TMTC2: variants seen among roughly 807,000 people sequenced by gnomAD.
The protein encoded by TMTC2 is transmembrane O-mannosyltransferase targeting cadherins 2, also known as protein O-mannosyl-transferase TMTC2.
A neutral mutation model predicts 82.4 loss-of-function variants in TMTC2; 43 were observed. The observed-to-expected ratio is 0.52, with a 90% CI of 0.41 to 0.67. TMTC2 has a LOEUF of 0.67. Ranked by LOEUF, TMTC2 falls within the 30% of genes least tolerant of loss-of-function variation. The pLI is 0.00. For synonymous variants in TMTC2, 408 were observed against 381.9 expected (o/e 1.07, Z -0.80); for missense variants, 919 against 1,012.4 (o/e 0.91, Z 1.25).
At chr12:82,816,581 A>T (rs1868744951) in intron 1 of TMTC2, among the ~76,000 whole-genome samples, 1 of 152,074 alleles carries the variant, frequency 6.6e-6, no homozygotes, top group Non-Finnish European at 1.5e-5. Flanking sequence ...GCTATATCAG[A>T]CTTCTATTAT....
At chr12:82,901,293 T>C (rs1261063093) in intron 3 of TMTC2, among the ~76,000 whole-genome samples, 1 of 125,518 alleles carries the variant, frequency 8.0e-6, no homozygotes, top group Non-Finnish European at 1.6e-5. Context: ...AATATATATA[T>C]ATATATATTT....
intron 11 of TMTC2, among the ~76,000 whole-genome samples, chr12:83,104,792 G>A (rs1172783212): frequency 6.6e-6 from 1 of 152,178 alleles, no homozygotes; most frequent in Admixed American, 6.5e-5. Context: ...TCCACAGTCT[G>A]CTTGAATTTC....
chr12:82,997,414 A>ATATATATATG (rs1201899656), intron 8 of TMTC2, among the ~76,000 whole-genome samples: 6 of 29,948 alleles, frequency 2.0e-4, no homozygotes, highest in African/African-American at 4.7e-4. Flanking sequence ...ATATATGTGT[A>ATATATATATG]TATATATATA....
At chr12:83,048,888 C>T (rs555294351) in intron 9 of TMTC2, among the ~76,000 whole-genome samples, 90 of 152,272 alleles carry the variant, frequency 5.9e-4, no homozygotes, top group Non-Finnish European at 9.1e-4. Context: ...AGGCTGGTCT[C>T]GAACTCCAGA....
chr12:83,001,214 A>C (rs1879906198), intron 8 of TMTC2, among the ~76,000 whole-genome samples: 1 of 152,200 alleles, frequency 6.6e-6, no homozygotes, highest in African/African-American at 2.4e-5. Flanking sequence ...CTCAGAAAAT[A>C]GGATTTTCTT....
intron 4 of TMTC2, among the ~76,000 whole-genome samples, chr12:82,954,050 T>C (rs1877485440): frequency 6.6e-6 from 1 of 152,182 alleles, no homozygotes; most frequent in Admixed American, 6.5e-5. Context: ...CCAGACTATT[T>C]ATTACTGAAA....
chr12:82,914,609 C>T (rs900644784), intron 3 of TMTC2, among the ~76,000 whole-genome samples: 1 of 151,842 alleles, frequency 6.6e-6, no homozygotes, highest in African/African-American at 2.4e-5. Flanking sequence ...GTTGGCAATG[C>T]GATTCTCAGT....
At chr12:82,841,599 C>T (rs1870339220) in intron 1 of TMTC2, among the ~76,000 whole-genome samples, 1 of 152,172 alleles carries the variant, frequency 6.6e-6, no homozygotes, top group Admixed American at 6.5e-5. Context: ...GTAGGGATGT[C>T]TGTGTACCCT....
At chr12:83,123,628 A>G (rs1885020712) in intron 11 of TMTC2, among the ~76,000 whole-genome samples, 1 of 152,180 alleles carries the variant, frequency 6.6e-6, no homozygotes, top group African/African-American at 2.4e-5. Flanking sequence ...GGTTGGTGCC[A>G]GAAGGGTTAA....
chr12:82,997,344 G>GTGTATATATATATATA lies in TMTC2; in HGVS notation c.2070+11301_2070+11302insATATATATATATATGT, dbSNP rs1565844967. On this transcript the variant is annotated intron_variant, in intron 8 of 11. Transcript: ENST00000321196. ...TGTGTCTGTGTGTGTGTGTGTGTGT[G>GTGTATATATATATATA]TGTGTATATATATATATATATGTGT... 2.1e-3 allele frequency among the ~76,000 whole-genome samples: 45 copies of GTGTATATATATATATA among 21,036 alleles called. No individual in the cohort carries two copies. In the East Asian group the frequency reaches 0.035, roughly 16 times the overall value. 13.8% of individuals were successfully genotyped at this position (21,036 alleles called of 152,430 possible). A position where few individuals can be genotyped will look rare whatever the true frequency, so the allele number is the denominator to read the frequency against.
rs539833027 is a variant in TMTC2, at chr12:83,066,629, G to A, written c.2331+4798G>A. ...TTGGGAAAACTAAATAAAAGGTCAT[G>A]GTAATAGTATAGGCATAAGGTAGTG... On this transcript the variant is annotated intron_variant, in intron 11 of 11. Transcript: ENST00000321196. 6.3e-4 allele frequency among the ~76,000 whole-genome samples: 95 copies of A among 151,982 alleles called. 1 individual carries two copies. Among genetic ancestry groups the A allele is most frequent in the African/African-American group, 2.1e-3 (87 of 41,480 alleles).
At chr12:82,883,987 G>A (rs1174525279) in intron 2 of TMTC2, among the ~76,000 whole-genome samples, 3 of 152,092 alleles carry the variant, frequency 2.0e-5, no homozygotes, top group Admixed American at 6.5e-5. Flanking sequence ...TGACCATAGC[G>A]CACTGCCTGG....
intron 1 of TMTC2, among the ~76,000 whole-genome samples, chr12:82,829,669 T>A (rs898817507): frequency 6.6e-6 from 1 of 152,216 alleles, no homozygotes; most frequent in African/African-American, 2.4e-5. Context: ...AAGTTATATG[T>A]ATACAATGTA....
intron 1 of TMTC2, among the ~76,000 whole-genome samples, chr12:82,713,720 G>A (rs866096939): frequency 1.6e-4 from 25 of 152,308 alleles, no homozygotes; most frequent in Middle Eastern, 6.8e-3. Flanking sequence ...TTTGGGTGGG[G>A]ACACAGCCAA....
At position 82,965,418 on chromosome 12, in the gene TMTC2, C is replaced by A. The variant is rs1812142101; in HGVS notation, c.1685-142C>A. ...TTGCAGTTTCACTACCATTATTGATCCCATGAGTATTTGTGTCATAAGTAT... is the reference window on the plus strand; with the variant it reads ...TTGCAGTTTCACTACCATTATTGATACCATGAGTATTTGTGTCATAAGTAT... On this transcript the variant is annotated intron_variant, in intron 5 of 11. Coordinates refer to ENST00000321196, the MANE Select transcript of TMTC2 (RefSeq NM_152588.3). 7.4e-6 allele frequency: 6 copies of A among 814,302 alleles called. No homozygotes were observed. The South Asian group carries it at 9.3e-5, about 13-fold the overall frequency. 50.4% of individuals were successfully genotyped at this position (814,302 alleles called of 1,614,324 possible).
At chr12:82,689,402 T>C (rs892990708) in intron 1 of TMTC2, among the ~76,000 whole-genome samples, 2 of 152,206 alleles carry the variant, frequency 1.3e-5, no homozygotes, top group African/African-American at 4.8e-5. Context: ...TTGGGGGCAG[T>C]TTGAATAGTA....
intron 11 of TMTC2, among the ~76,000 whole-genome samples, chr12:83,062,603 C>T (rs1014225605): frequency 6.6e-6 from 1 of 151,806 alleles, no homozygotes; most frequent in Non-Finnish European, 1.5e-5. Context: ...GATGTGAGTG[C>T]AAATAATGGG....
rs74106066 is a variant in TMTC2 at position 83,115,406 on chromosome 12, A to C, written c.2332-16804A>C. Among the ~76,000 whole-genome samples, 1,049 of 152,328 alleles carry C rather than the reference A, an allele frequency of 6.9e-3. 12 individuals carry two copies. Among genetic ancestry groups the C allele is most frequent in the African/African-American group, 0.024 (998 of 41,574 alleles). On this transcript the variant is annotated intron_variant, in intron 11 of 11. Transcript: ENST00000321196. ...TCTTGGTGTTTTAGAGAGATAGATG[A>C]TGCTTGCCTGTTGTGCATATTCTTT...
intron 1 of TMTC2, among the ~76,000 whole-genome samples, chr12:82,739,516 A>C (rs905735631): frequency 8.5e-5 from 13 of 152,132 alleles, no homozygotes; most frequent in African/African-American, 3.1e-4. Flanking sequence ...AGGTAGATGG[A>C]GTATGGGTGC....
Sources: gnomAD v4.1 joint callset for allele counts (sites outside exome capture counted in the v4.1 genomes callset) on GRCh38, gnomAD v4.1.1 for gene constraint, MANE v1.5 for transcripts, NCBI Gene and HGNC (gene_info 2026-07-23, HGNC 2026-07-21) for gene names.